Variants in NTM observed in about 807,000 individuals in gnomAD.
NTM encodes the protein IgLON family member 2.
In NTM, 13 loss-of-function variants were observed where a neutral mutation model predicts 42.1. That is an observed-to-expected ratio of 0.31 (90% confidence interval 0.20 to 0.49). The LOEUF (loss-of-function observed/expected upper bound fraction) is 0.49, where lower values mean the gene tolerates loss of function less well. Ranked by LOEUF, NTM falls within the 20% of genes least tolerant of loss-of-function variation. The pLI, the probability that NTM is intolerant of heterozygous loss-of-function variation, is 0.99. For synonymous variants in NTM, 187 were observed against 179.2 expected (o/e 1.04, Z -0.35); for missense variants, 373 against 452.8 (o/e 0.82, Z 1.60).
intron 2 of NTM, among the ~76,000 whole-genome samples, chr11:131,950,132 C>T (rs1418311999): frequency 6.6e-6 from 1 of 152,086 alleles, no homozygotes; most frequent in East Asian, 1.9e-4. Flanking sequence ...AATGGGAATC[C>T]CAGACTTTAA....
chr11:131,501,793 T>G (rs1166518461), intron 1 of NTM, among the ~76,000 whole-genome samples: 1 of 152,136 alleles, frequency 6.6e-6, no homozygotes. Context: ...TTGCAAGGGT[T>G]TTGGCCTGAG....
chr11:132,086,435 A>G (rs1413837308), intron 2 of NTM, among the ~76,000 whole-genome samples: 2 of 152,170 alleles, frequency 1.3e-5, no homozygotes, highest in Non-Finnish European at 2.9e-5. Context: ...AGAAAAACAT[A>G]AAGGCCTTTT....
At chr11:132,287,010 G>T (rs1243375812) in intron 4 of NTM, among the ~76,000 whole-genome samples, 1 of 152,142 alleles carries the variant, frequency 6.6e-6, no homozygotes, top group African/African-American at 2.4e-5. Context: ...ATGAACAAGG[G>T]CTTTCTCCTT....
At chr11:132,267,854 A>C (rs931001116) in intron 4 of NTM, among the ~76,000 whole-genome samples, 3 of 150,826 alleles carry the variant, frequency 2.0e-5, no homozygotes, top group Non-Finnish European at 4.4e-5. Context: ...AAAAAAAAAA[A>C]CAAAAAAAAC....
At chr11:132,198,817 A>G (rs553336236) in intron 3 of NTM, among the ~76,000 whole-genome samples, 165 of 152,220 alleles carry the variant, frequency 1.1e-3, no homozygotes, top group Non-Finnish European at 1.9e-3. Context: ...CAGGACATGT[A>G]CTTTAAAATT....
intron 1 of NTM, among the ~76,000 whole-genome samples, chr11:131,760,738 G>GCCCT (rs1212458442): frequency 1.3e-5 from 2 of 152,164 alleles, no homozygotes; most frequent in Non-Finnish European, 2.9e-5. Flanking sequence ...GCAACACAAG[G>GCCCT]GCCTTTGAAG....
In NTM at chr11:131,827,549, T is replaced by C. The variant is rs148834210; in HGVS notation, c.83-84015T>C. ...CTGTTTAAAACAATCTGCCTGTCAT[T>C]TGTCCTTTGTGGACACATTTTCAAT... On this transcript the variant is annotated intron_variant, in intron 1 of 8. Transcript: ENST00000683400. 2.1e-3 allele frequency among the ~76,000 whole-genome samples: 318 copies of C among 152,322 alleles called. 3 individuals are homozygous for C. Among genetic ancestry groups the C allele is most frequent in the African/African-American group, 7.0e-3 (291 of 41,574 alleles).
chr11:132,125,948 C>T (rs1185011416), intron 2 of NTM, among the ~76,000 whole-genome samples: 1 of 151,278 alleles, frequency 6.6e-6, no homozygotes, highest in Non-Finnish European at 1.5e-5. Context: ...TAAGAGAGAT[C>T]AACAGGGGTC....
chr11:131,692,641 CTG>C (rs1248701925), intron 1 of NTM, among the ~76,000 whole-genome samples: 3 of 152,250 alleles, frequency 2.0e-5, no homozygotes, highest in Admixed American at 6.5e-5. Context: ...CCATATAAAA[CTG>C]TTCTTACCTA....
chr11:131,984,218 G>A (rs532059484), intron 2 of NTM, among the ~76,000 whole-genome samples: 1 of 152,280 alleles, frequency 6.6e-6, no homozygotes, highest in South Asian at 2.1e-4. Flanking sequence ...AGTTCACCTG[G>A]TGGTATTTAC....
intron 2 of NTM, among the ~76,000 whole-genome samples, chr11:131,948,866 A>C (rs1473831693): frequency 6.6e-6 from 1 of 152,208 alleles, no homozygotes; most frequent in Non-Finnish European, 1.5e-5. Flanking sequence ...CTGCCTTCTT[A>C]AAACATTTTA....
intron 1 of NTM, among the ~76,000 whole-genome samples, chr11:131,718,607 G>A (rs2077977538): frequency 2.0e-5 from 3 of 152,120 alleles, no homozygotes; most frequent in Admixed American, 2.0e-4. Context: ...TTCTTTGCCC[G>A]GCCTTTGGGA....
intron 1 of NTM, among the ~76,000 whole-genome samples, chr11:131,783,604 A>G (rs756241752): frequency 6.6e-6 from 1 of 152,094 alleles, no homozygotes; most frequent in Non-Finnish European, 1.5e-5. Flanking sequence ...GAGAATAAAC[A>G]TCCATTCTTA....
intron 2 of NTM, among the ~76,000 whole-genome samples, chr11:132,132,585 CAGA>C (rs1446630054): frequency 6.6e-6 from 1 of 152,182 alleles, no homozygotes; most frequent in East Asian, 1.9e-4. Flanking sequence ...CATCCGCACT[CAGA>C]AGGTTTGTAA....
At chr11:132,083,007 G>A (rs911914222) in intron 2 of NTM, among the ~76,000 whole-genome samples, 3 of 152,046 alleles carry the variant, frequency 2.0e-5, no homozygotes, top group East Asian at 1.9e-4. Flanking sequence ...TAGCTCCCTT[G>A]GTCTTGATTT....
chr11:131,479,450 C>T (rs770379303), intron 1 of NTM, among the ~76,000 whole-genome samples: 4 of 151,934 alleles, frequency 2.6e-5, no homozygotes, highest in African/African-American at 4.8e-5. Flanking sequence ...TTGGGGAGCC[C>T]GGAAGAAGGA....
intron 1 of NTM, among the ~76,000 whole-genome samples, chr11:131,907,909 T>A (rs1373240775): frequency 6.6e-6 from 1 of 152,248 alleles, no homozygotes; most frequent in East Asian, 1.9e-4. Context: ...GATTTTGATC[T>A]TCATCTTTTC....
intron 1 of NTM, among the ~76,000 whole-genome samples, chr11:131,558,846 T>C (rs764360199): frequency 5.9e-5 from 9 of 152,112 alleles, no homozygotes; most frequent in Non-Finnish European, 1.0e-4. Context: ...CTTGAGCCTG[T>C]AGGAGATGGA....
chr11:131,812,183 C>CCTCTCTCT (rs145003478), intron 1 of NTM, among the ~76,000 whole-genome samples: 1,904 of 142,896 alleles, frequency 0.013, 31 homozygotes, highest in South Asian at 0.018. Flanking sequence ...AATTAGTCAG[C>CCTCTCTCT]CTCTCTCTCT....
Sources: gnomAD v4.1 joint callset for allele counts (sites outside exome capture counted in the v4.1 genomes callset) on GRCh38, gnomAD v4.1.1 for gene constraint, MANE v1.5 for transcripts, NCBI Gene and HGNC (gene_info 2026-07-23, HGNC 2026-07-21) for gene names.